The following TACR1 variants were observed in gnomAD, a reference collection of about 807,000 sequenced individuals.
TACR1 encodes the protein tachykinin receptor 1.
TACR1 carries 25 observed loss-of-function variants against 35.8 expected under a neutral mutation model. The ratio of observed to expected loss-of-function variants is 0.70; its 90% CI spans 0.51 to 0.98. The LOEUF is 0.98. Among genes scored for constraint, TACR1 ranks in the 50% least tolerant of loss-of-function variants. The pLI is 0.00. For missense variants in TACR1, 478 were observed against 522.9 expected (o/e 0.91, Z 0.84); for synonymous variants, 195 against 206.7 (o/e 0.94, Z 0.48).
At chr2:75,066,841 T>A (rs1672772426) in intron 2 of TACR1, among the ~76,000 whole-genome samples, 1 of 152,216 alleles carries the variant, frequency 6.6e-6, no homozygotes, top group South Asian at 2.1e-4. Context: ...ATTAATCAAT[T>A]TGAAGTCTGT....
At chr2:75,122,876 C>G (rs1673997326) in intron 1 of TACR1, among the ~76,000 whole-genome samples, 1 of 152,308 alleles carries the variant, frequency 6.6e-6, no homozygotes, top group Middle Eastern at 3.4e-3. Flanking sequence ...GACCTTCCAT[C>G]TCTGGGGTAG....
In TACR1 at chr2:75,053,552, G is replaced by A. The variant is rs878869179; in HGVS notation, c.735+53C>T. On this transcript the variant is annotated intron_variant, in intron 3 of 4. Transcript: ENST00000305249. ...GCTCACAAGTGTGCCATCCCTTCTCGACAGCCTGTTGTCTGTGCCAGGGTG... is the reference window on the plus strand; with the variant it reads ...GCTCACAAGTGTGCCATCCCTTCTCAACAGCCTGTTGTCTGTGCCAGGGTG... 2.1e-6 allele frequency: 3 copies of A among 1,460,044 alleles called. No individual in the cohort carries two copies. The Admixed American group carries it at 7.6e-5, about 37-fold the overall frequency. The allele number at this position is 1,460,044 out of a possible 1,614,324, so 90.4% of individuals were successfully genotyped here.
chr2:75,178,982 A>G (rs1196311372), intron 1 of TACR1, among the ~76,000 whole-genome samples: 4 of 152,262 alleles, frequency 2.6e-5, no homozygotes, highest in South Asian at 2.1e-4. Context: ...TTATATGTCA[A>G]TAAGTCCCAC....
In TACR1 at chr2:75,049,492, T is replaced by G; in HGVS notation, c.1164A>C (p.Ser388=). ...SSLDLTSNCS[S]RSDSKTMTES... ...CTGTCATGGTCTTGGAGTCACTTCG[T>G]GAAGAGCAGTTGGAGGTCAGGTCCA... The change falls in exon 5 of 5, where the codon TCA becomes TCC. Residue 388 remains serine, a synonymous_variant. Transcript: ENST00000305249. The G allele has an allele frequency of 1.9e-6, 3 of 1,614,174 alleles. No individual in the cohort carries two copies. The highest frequency in any genetic ancestry group is 2.5e-6 in the Non-Finnish European group (3 of 1,180,026).
chr2:75,086,623 A>T (rs1451787716), intron 2 of TACR1, among the ~76,000 whole-genome samples: 1 of 152,220 alleles, frequency 6.6e-6, no homozygotes. Flanking sequence ...TCAATGGTCC[A>T]TATGTGAGGA....
intron 4 of TACR1, 132 bp from the exon 5 acceptor site, chr2:75,049,855 C>T (rs1231781400): frequency 3.5e-6 from 4 of 1,130,896 alleles, no homozygotes; most frequent in Non-Finnish European, 4.9e-6. Context: ...AATTCAATGA[C>T]AGCTGGAGAT....
At chr2:75,185,878 GA>G (rs1260795817) in intron 1 of TACR1, among the ~76,000 whole-genome samples, 2 of 152,148 alleles carry the variant, frequency 1.3e-5, no homozygotes, top group East Asian at 3.8e-4. Context: ...ACACATTGAT[GA>G]CAAATTATAT....
intron 1 of TACR1, among the ~76,000 whole-genome samples, chr2:75,197,297 C>T (rs1676016918): frequency 6.6e-6 from 1 of 152,146 alleles, no homozygotes; most frequent in Non-Finnish European, 1.5e-5. Context: ...TGTTCATTGA[C>T]TACAGGAGCT....
chr2:75,151,365 G>T (rs1674666472), intron 1 of TACR1, among the ~76,000 whole-genome samples: 1 of 152,204 alleles, frequency 6.6e-6, no homozygotes, highest in Admixed American at 6.5e-5. Flanking sequence ...CCTGTGCTGT[G>T]TGTAGCCTAG....
chr2:75,150,701 C>T (rs1336636346), intron 1 of TACR1, among the ~76,000 whole-genome samples: 1 of 152,084 alleles, frequency 6.6e-6, no homozygotes, highest in African/African-American at 2.4e-5. Flanking sequence ...TGGGGCATTG[C>T]TGAAAAGATA....
intron 1 of TACR1, among the ~76,000 whole-genome samples, chr2:75,170,040 C>G (rs1029469999): frequency 6.6e-6 from 1 of 151,958 alleles, no homozygotes; most frequent in South Asian, 2.1e-4. Flanking sequence ...TTCTTATCAT[C>G]TGACTTTTCC....
chr2:75,086,985 A>T (rs765820440), intron 2 of TACR1, among the ~76,000 whole-genome samples: 1 of 152,220 alleles, frequency 6.6e-6, no homozygotes, highest in Non-Finnish European at 1.5e-5. Context: ...TGGTAGCCAC[A>T]TGTGGCCAAT....
intron 1 of TACR1, among the ~76,000 whole-genome samples, chr2:75,126,264 A>G (rs1572944935): frequency 6.6e-6 from 1 of 152,136 alleles, no homozygotes; most frequent in South Asian, 2.1e-4. Context: ...ATTCTTTTTT[A>G]TGGAAGAATT....
In TACR1 at chr2:75,089,640, A is replaced by C. The variant is rs1356037614; in HGVS notation, c.584+30934T>G. On this transcript the variant is annotated intron_variant, in intron 2 of 4. Coordinates refer to ENST00000305249, the MANE Select transcript of TACR1 (RefSeq NM_001058.4). ...AGAAGACTTTACTTCTGCATGTTTTAGAGAAATGAGATGTTTGGCCATGTG... is the reference window on the plus strand; with the variant it reads ...AGAAGACTTTACTTCTGCATGTTTTCGAGAAATGAGATGTTTGGCCATGTG... Among the ~76,000 whole-genome samples, 4 of 152,220 alleles carry C rather than the reference A, an allele frequency of 2.6e-5. No homozygotes were observed. The East Asian group carries it at 7.7e-4, about 29-fold the overall frequency.
intron 1 of TACR1, among the ~76,000 whole-genome samples, chr2:75,124,424 CT>C (rs1351233023): frequency 6.6e-6 from 1 of 152,210 alleles, no homozygotes; most frequent in Non-Finnish European, 1.5e-5. Flanking sequence ...CTTCCACAGT[CT>C]TTCTCATCCA....
At chr2:75,165,421 G>A (rs538204244) in intron 1 of TACR1, among the ~76,000 whole-genome samples, 1 of 151,616 alleles carries the variant, frequency 6.6e-6, no homozygotes, top group Non-Finnish European at 1.5e-5. Flanking sequence ...CCACTCTCCT[G>A]CCTCAGCCTC....
In TACR1 at chr2:75,053,622, C is replaced by A. The variant is rs771299689; in HGVS notation, c.718G>T (p.Val240Phe). 6.4e-7 allele frequency: 1 copy of A among 1,559,762 alleles called. No homozygotes were observed. Among genetic ancestry groups the A allele is most frequent in the South Asian group, 1.2e-5 (1 of 81,272 alleles). ...GDSSDRYHEQ[V>F]SAKRKVVKMM... Reference sequence around the variant, plus strand: ...CTGCTCACCTTGCGCTTGGCAGAGACTTGCTCGTGGTAGCGGTCAGAGGAG... The same window carrying A: ...CTGCTCACCTTGCGCTTGGCAGAGAATTGCTCGTGGTAGCGGTCAGAGGAG... Residue 240 changes from valine to phenylalanine, a missense_variant, in exon 3 of 5, where the codon GTC (valine) becomes TTC (phenylalanine). Physicochemically the swap from Val to Phe is conservative, Grantham distance 50. Coordinates refer to ENST00000305249, the MANE Select transcript of TACR1 (RefSeq NM_001058.4).
chr2:75,054,041 G>T (rs762122716), intron 2 of TACR1, among the ~76,000 whole-genome samples: 16 of 152,068 alleles, frequency 1.1e-4, no homozygotes, highest in Non-Finnish European at 1.9e-4. Flanking sequence ...TTGATGACAG[G>T]GCACTGAATC....
intron 2 of TACR1, among the ~76,000 whole-genome samples, chr2:75,085,155 A>G (rs1321636618): frequency 6.6e-6 from 1 of 152,032 alleles, no homozygotes; most frequent in Non-Finnish European, 1.5e-5. Flanking sequence ...AGAAACCAAC[A>G]TTTCTTAAGC....
Sources: gnomAD v4.1 joint callset for allele counts (sites outside exome capture counted in the v4.1 genomes callset) on GRCh38, gnomAD v4.1.1 for gene constraint, MANE v1.5 for transcripts, NCBI Gene and HGNC (gene_info 2026-07-23, HGNC 2026-07-21) for gene names.